THSD7B: variants seen among roughly 807,000 people sequenced by gnomAD.
THSD7B encodes the protein thrombospondin type-1 domain-containing protein 7B.
In THSD7B, 138 loss-of-function variants were observed where a neutral mutation model predicts 213.6. The ratio of observed to expected loss-of-function variants is 0.65; its 90% CI spans 0.56 to 0.74. The LOEUF (loss-of-function observed/expected upper bound fraction) is 0.74, where lower values mean the gene tolerates loss of function less well. Ranked by LOEUF, THSD7B falls within the 30% of genes least tolerant of loss-of-function variation. The probability of loss-of-function intolerance (pLI) is 0.00; values close to 1 mark genes in which losing one functional copy is unlikely to be tolerated. For synonymous variants in THSD7B, 742 were observed against 687.0 expected, an observed-to-expected ratio of 1.08 and a Z score of -1.25; for missense variants, 1,931 against 1,991.5, an observed-to-expected ratio of 0.97 and a Z score of 0.58.
intron 2 of THSD7B, among the ~76,000 whole-genome samples, chr2:137,021,317 A>G (rs1419113356): frequency 6.6e-6 from 1 of 152,126 alleles, no homozygotes; most frequent in Non-Finnish European, 1.5e-5. Context: ...TTATCTTTTT[A>G]TTTGTATAAA....
intron 12 of THSD7B, among the ~76,000 whole-genome samples, chr2:137,343,185 G>T (rs375787190): frequency 6.8e-6 from 1 of 147,852 alleles, no homozygotes; most frequent in Non-Finnish European, 1.5e-5. Context: ...TTTTTGTTTT[G>T]ATTGACTTTT....
Position 137,546,351 on chromosome 2 carries a change from ATATATATATAT to A in THSD7B, c.3139-16858_3139-16848del, listed in dbSNP as rs1680707436. Among the ~76,000 whole-genome samples the A allele has an allele frequency of 3.2e-5, 2 of 62,080 alleles. 1 individual carries two copies. Among genetic ancestry groups the A allele is most frequent in the Non-Finnish European group, 6.0e-5 (2 of 33,446 alleles). The allele number at this position is 62,080 out of a possible 152,430, so 40.7% of individuals were successfully genotyped here. ...TCATGCATTCAGTATTGAAGTCAGC[ATATATATATAT>A]TATATATATATATAATATATATATT... On this transcript the variant is annotated intron_variant, in intron 15 of 27. Transcript: ENST00000409968.
At chr2:137,345,594 TGAGAGA>T (rs146683144) in intron 12 of THSD7B, among the ~76,000 whole-genome samples, 2 of 146,874 alleles carry the variant, frequency 1.4e-5, no homozygotes, top group Non-Finnish European at 3.0e-5. Flanking sequence ...AAACTAAGAG[TGAGAGA>T]GAGAGAGAGA....
intron 12 of THSD7B, among the ~76,000 whole-genome samples, chr2:137,393,934 T>A (rs1203219378): frequency 1.4e-5 from 2 of 139,578 alleles, no homozygotes; most frequent in African/African-American, 5.3e-5. Flanking sequence ...TTTTTTCATA[T>A]GTTTTTTGGC....
At chr2:137,517,880 G>A (rs1284647136) in intron 15 of THSD7B, among the ~76,000 whole-genome samples, 1 of 152,128 alleles carries the variant, frequency 6.6e-6, no homozygotes, top group African/African-American at 2.4e-5. Context: ...CTCTTGGCCT[G>A]TTACTGGGCT....
intron 7 of THSD7B, among the ~76,000 whole-genome samples, chr2:137,228,661 C>T (rs976023394): frequency 6.6e-6 from 1 of 152,180 alleles, no homozygotes; most frequent in Non-Finnish European, 1.5e-5. Flanking sequence ...CCATCCTTGC[C>T]ACAAGTTCTC....
At position 137,066,788 on chromosome 2, in the gene THSD7B, T is replaced by C. The variant is rs541606523; in HGVS notation, c.950+9558T>C. 2.6e-5 allele frequency among the ~76,000 whole-genome samples: 4 copies of C among 152,238 alleles called. No homozygotes were observed. The South Asian group carries it at 8.3e-4, about 32-fold the overall frequency. The stretch of plus-strand genomic sequence containing the variant: ...ATTATTACTTTAAACATCTCTTCTG[T>C]TATTTTCTCTCTTTATTTTCCTACT... On this transcript the variant is annotated intron_variant, in intron 3 of 27. Transcript: ENST00000409968.
rs200384657 is a variant in THSD7B, at chr2:137,206,269, G to C, written c.1724-24775G>C. On this transcript the variant is annotated intron_variant, in intron 7 of 27. Coordinates refer to ENST00000409968, the MANE Select transcript of THSD7B (RefSeq NM_001316349.2). ...CTGAGGAGCAAGACATTGTGATTAT[G>C]AGAGGTGAAATGACTTGCCTAAAGG... 4.6e-5 allele frequency among the ~76,000 whole-genome samples: 7 copies of C among 151,994 alleles called. No homozygotes were observed. In the East Asian group the frequency reaches 1.4e-3, roughly 29 times the overall value.
intron 6 of THSD7B, among the ~76,000 whole-genome samples, chr2:137,169,072 A>G (rs1680190442): frequency 6.6e-6 from 1 of 151,450 alleles, no homozygotes; most frequent in Admixed American, 6.6e-5. Context: ...CCATGAGAAT[A>G]TAGCCTCTGA....
At chr2:136,909,885 T>C (rs1162329545) in intron 2 of THSD7B, among the ~76,000 whole-genome samples, 1 of 152,102 alleles carries the variant, frequency 6.6e-6, no homozygotes, top group Non-Finnish European at 1.5e-5. Context: ...ACTATTTCCT[T>C]AGGGGTGAGC....
chr2:137,144,252 A>C (rs1206726705), intron 5 of THSD7B, among the ~76,000 whole-genome samples: 1 of 152,068 alleles, frequency 6.6e-6, no homozygotes, highest in Non-Finnish European at 1.5e-5. Context: ...TGACCTGTAC[A>C]ACCCTATTAA....
chr2:137,294,949 AT>A (rs1683424472), intron 12 of THSD7B, among the ~76,000 whole-genome samples: 1 of 152,024 alleles, frequency 6.6e-6, no homozygotes, highest in Non-Finnish European at 1.5e-5. Flanking sequence ...ACTTTTTAAA[AT>A]TTTTTCCTTA....
rs968876575 is a variant in THSD7B at position 137,647,281 on chromosome 2, C to T, written c.3945+4648C>T. On this transcript the variant is annotated intron_variant, in intron 21 of 27. Transcript: ENST00000409968. ...AGAGGGATAAGAAGGAGGAGACACT[C>T]AGTTTTCAAGTGCATAGTTGTCAGA... Among the ~76,000 whole-genome samples the T allele has an allele frequency of 1.4e-4, 21 of 152,148 alleles. 1 individual carries two copies. The highest frequency in any genetic ancestry group is 5.9e-5 in the Non-Finnish European group (4 of 68,014).
At position 137,182,452 on chromosome 2, in the gene THSD7B, A is replaced by G. The variant is rs139088633; in HGVS notation, c.1723+11514A>G. On this transcript the variant is annotated intron_variant, in intron 7 of 27. Coordinates refer to ENST00000409968, the MANE Select transcript of THSD7B (RefSeq NM_001316349.2). The stretch of plus-strand genomic sequence containing the variant: ...TAGTGTATGAAGCTGCCTATAGTGT[A>G]TGAAGCTGCCTATAGTGTATGAAGC... Among the ~76,000 whole-genome samples, 613 of 152,280 alleles carry G rather than the reference A, an allele frequency of 4.0e-3. 7 individuals are homozygous for G. The highest frequency in any genetic ancestry group is 0.014 in the African/African-American group (573 of 41,554).
At chr2:136,912,385 G>A (rs1684277840) in intron 2 of THSD7B, among the ~76,000 whole-genome samples, 1 of 147,970 alleles carries the variant, frequency 6.8e-6, no homozygotes, top group Non-Finnish European at 1.5e-5. Context: ...ACAGTGGTAT[G>A]TGTGCGAGAC....
Position 137,615,778 on chromosome 2 carries a change from G to A in THSD7B, c.3424-397G>A, listed in dbSNP as rs184878877. ...AATTTTCTGTGTGATTATTTTTATT[G>A]GTCTAGACTATCTGAGGTCACAGGG... On this transcript the variant is annotated intron_variant, in intron 17 of 27. Transcript: ENST00000409968. Among the ~76,000 whole-genome samples the A allele has an allele frequency of 2.4e-4, 36 of 151,714 alleles. 1 individual carries two copies. The highest frequency in any genetic ancestry group is 2.2e-3 in the Admixed American group (33 of 15,246).
At chr2:137,294,601 AAAAG>A (rs1166806807) in intron 12 of THSD7B, among the ~76,000 whole-genome samples, 6 of 150,648 alleles carry the variant, frequency 4.0e-5, no homozygotes, top group South Asian at 4.2e-4. Context: ...AAAAAAAAAA[AAAAG>A]AAAGGGAGAG....
At chr2:136,983,394 C>T (rs1372203867) in intron 2 of THSD7B, among the ~76,000 whole-genome samples, 1 of 151,660 alleles carries the variant, frequency 6.6e-6, no homozygotes, top group Admixed American at 6.6e-5. Context: ...CTCTCTCTCT[C>T]TCTGTCTGAC....
At chr2:136,989,598 C>G (rs949971304) in intron 2 of THSD7B, among the ~76,000 whole-genome samples, 1 of 152,242 alleles carries the variant, frequency 6.6e-6, no homozygotes, top group South Asian at 2.1e-4. Context: ...TTATAAATTA[C>G]CCAGCCTCAG....
Sources: gnomAD v4.1 joint callset for allele counts (sites outside exome capture counted in the v4.1 genomes callset) on GRCh38, gnomAD v4.1.1 for gene constraint, MANE v1.5 for transcripts, NCBI Gene and HGNC (gene_info 2026-07-23, HGNC 2026-07-21) for gene names.